ADAMTSL1: variants seen among roughly 807,000 people sequenced by gnomAD.
The protein encoded by ADAMTSL1 is ADAMTS like 1, also known as ADAMTS-like protein 1.
In ADAMTSL1, 126 loss-of-function variants were observed where a neutral mutation model predicts 201.8. The ratio of observed to expected loss-of-function variants is 0.62; its 90% CI spans 0.54 to 0.72. The LOEUF (loss-of-function observed/expected upper bound fraction) is 0.72, where lower values mean the gene tolerates loss of function less well. Among genes scored for constraint, ADAMTSL1 ranks in the 30% least tolerant of loss-of-function variants. The pLI, the probability that ADAMTSL1 is intolerant of heterozygous loss-of-function variation, is 0.00. For synonymous variants in ADAMTSL1, 1,121 were observed against 903.4 expected (o/e 1.24, Z -4.32); for missense variants, 2,679 against 2,277.8 (o/e 1.18, Z -3.59).
intron 2 of ADAMTSL1, among the ~76,000 whole-genome samples, chr9:18,317,944 C>G (rs62548633): frequency 0.072 from 10,970 of 152,228 alleles, 396 homozygotes; most frequent in Middle Eastern, 0.13. Context: ...TTCTGTGCTG[C>G]TTAGTGCAGG....
chr9:18,250,019 C>T (rs1203142773), intron 2 of ADAMTSL1, among the ~76,000 whole-genome samples: 1 of 152,196 alleles, frequency 6.6e-6, no homozygotes, highest in Non-Finnish European at 1.5e-5. Context: ...GTAATAAATA[C>T]TATCTAATTT....
chr9:18,641,779 G>T (rs942480403), intron 7 of ADAMTSL1, among the ~76,000 whole-genome samples: 3 of 151,856 alleles, frequency 2.0e-5, no homozygotes, highest in Admixed American at 6.6e-5. Flanking sequence ...AGAAATAGCT[G>T]AAAACAAGAT....
At chr9:18,297,822 A>G (rs2132712864) in intron 2 of ADAMTSL1, among the ~76,000 whole-genome samples, 2 of 152,314 alleles carry the variant, frequency 1.3e-5, no homozygotes, top group South Asian at 4.1e-4. Flanking sequence ...TTGCTCTGTT[A>G]AAAAATATTG....
intron 15 of ADAMTSL1, among the ~76,000 whole-genome samples, chr9:18,746,622 T>C (rs1564199612): frequency 6.6e-6 from 1 of 152,130 alleles, no homozygotes; most frequent in Admixed American, 6.5e-5. Context: ...GCATAATAGC[T>C]CAGGGTGGGA....
At chr9:18,177,196 T>G (rs1211282570) in intron 2 of ADAMTSL1, among the ~76,000 whole-genome samples, 1 of 152,222 alleles carries the variant, frequency 6.6e-6, no homozygotes, top group East Asian at 1.9e-4. Context: ...TTCATCTTTA[T>G]GTATTACATA....
intron 1 of ADAMTSL1, among the ~76,000 whole-genome samples, chr9:18,043,774 A>G (rs1387541073): frequency 2.0e-5 from 3 of 152,016 alleles, no homozygotes; most frequent in African/African-American, 7.2e-5. Flanking sequence ...AAAAAATAAT[A>G]ATTCTAGATT....
chr9:17,907,241 C>T (rs1312551616), intron 1 of ADAMTSL1, among the ~76,000 whole-genome samples: 3 of 152,182 alleles, frequency 2.0e-5, no homozygotes, highest in Non-Finnish European at 2.9e-5. Context: ...GAGCTGTCAT[C>T]CCCAACAGTC....
intron 1 of ADAMTSL1, among the ~76,000 whole-genome samples, chr9:18,500,016 T>A (rs1406719668): frequency 6.6e-6 from 1 of 152,238 alleles, no homozygotes; most frequent in Non-Finnish European, 1.5e-5. Flanking sequence ...TTCTGCTTCA[T>A]CTTACATCTT....
Position 18,417,832 on chromosome 9 carries a change from C to T in ADAMTSL1, c.208-86997C>T, listed in dbSNP as rs572152529. Among the ~76,000 whole-genome samples, 49 of 152,286 alleles carry T rather than the reference C, an allele frequency of 3.2e-4. 1 individual carries two copies. The South Asian group carries it at 4.8e-3, about 15-fold the overall frequency. Reference sequence around the variant, plus strand: ...TAACACCACGTCTACCCAATCTCTTCCAGCAGGTAAAAATGCAGAGAAAAC... The same window carrying T: ...TAACACCACGTCTACCCAATCTCTTTCAGCAGGTAAAAATGCAGAGAAAAC... On this transcript the variant is annotated intron_variant, in intron 2 of 29. Coordinates refer to the ADAMTSL1 transcript ENST00000680146.
intron 1 of ADAMTSL1, among the ~76,000 whole-genome samples, chr9:18,474,870 C>A (rs1224649825): frequency 1.3e-5 from 2 of 152,080 alleles, no homozygotes; most frequent in Non-Finnish European, 2.9e-5. Flanking sequence ...GGATTATGGC[C>A]TTTGATCTCA....
At chr9:18,778,264 A>G (rs75777029) in intron 19 of ADAMTSL1, among the ~76,000 whole-genome samples, 5 of 152,354 alleles carry the variant, frequency 3.3e-5, no homozygotes, top group Non-Finnish European at 7.3e-5. Context: ...CTACTCTGTA[A>G]GATGAACCAT....
Position 18,143,403 on chromosome 9 carries a change from C to T in ADAMTSL1, c.88-20459C>T, listed in dbSNP as rs1298813105. On this transcript the variant is annotated intron_variant, in intron 1 of 29. Coordinates refer to the ADAMTSL1 transcript ENST00000680146. The stretch of plus-strand genomic sequence containing the variant: ...CATCTTCCTTTCCCACAGTCAGTAA[C>T]TTCCACTTCACTCTATTTTTTATGG... 2.6e-5 allele frequency among the ~76,000 whole-genome samples: 4 copies of T among 152,206 alleles called. No homozygotes were observed. In the East Asian group the frequency reaches 7.7e-4, roughly 29 times the overall value.
chr9:18,878,670 T>C (rs1274059519), intron 23 of ADAMTSL1, among the ~76,000 whole-genome samples: 1 of 152,240 alleles, frequency 6.6e-6, no homozygotes, highest in East Asian at 1.9e-4. Flanking sequence ...GCAAGCTGCT[T>C]CCTTGAAAGG....
At chr9:18,152,973 C>T (rs1270406859) in intron 1 of ADAMTSL1, among the ~76,000 whole-genome samples, 2 of 151,938 alleles carry the variant, frequency 1.3e-5, no homozygotes, top group African/African-American at 4.8e-5. Context: ...GTTGGTTTGG[C>T]CAATGTCCTT....
intron 23 of ADAMTSL1, among the ~76,000 whole-genome samples, chr9:18,870,768 A>T (rs995913924): frequency 2.0e-5 from 3 of 151,354 alleles, no homozygotes; most frequent in African/African-American, 7.3e-5. Context: ...TAATTCTTCA[A>T]TGTTTTCAAG....
At chr9:18,035,966 A>T (rs1346491652) in intron 1 of ADAMTSL1, among the ~76,000 whole-genome samples, 1 of 152,160 alleles carries the variant, frequency 6.6e-6, no homozygotes, top group Admixed American at 6.6e-5. Context: ...CTTACCCCCT[A>T]TCTTGCTATC....
At chr9:17,925,894 C>G (rs961111073) in intron 1 of ADAMTSL1, among the ~76,000 whole-genome samples, 7 of 151,654 alleles carry the variant, frequency 4.6e-5, no homozygotes, top group African/African-American at 1.2e-4. Flanking sequence ...ATCCAGCAAC[C>G]TGACACTTGA....
chr9:18,164,285 A>G (rs1236649397), intron 2 of ADAMTSL1, among the ~76,000 whole-genome samples: 3 of 151,966 alleles, frequency 2.0e-5, no homozygotes, highest in Non-Finnish European at 4.4e-5. Context: ...ATGAAATGGT[A>G]ATAATTTAAA....
At chr9:18,363,399 T>G (rs1235218875) in intron 2 of ADAMTSL1, among the ~76,000 whole-genome samples, 1 of 152,244 alleles carries the variant, frequency 6.6e-6, no homozygotes, top group Non-Finnish European at 1.5e-5. Context: ...AGGATTTAAT[T>G]AATTCTTTGG....
Sources: allele counts gnomAD v4.1 joint callset (sites outside exome capture counted in the v4.1 genomes callset), GRCh38; gene constraint gnomAD v4.1.1; transcripts MANE v1.5; gene names NCBI Gene and HGNC (gene_info 2026-07-23, HGNC 2026-07-21).